Variants in THSD7A observed in about 807,000 individuals in gnomAD.
The protein encoded by THSD7A is thrombospondin type-1 domain-containing protein 7A.
A neutral mutation model predicts 231.3 loss-of-function variants in THSD7A; 96 were observed. The observed-to-expected ratio is 0.41, with a 90% confidence interval of 0.35 to 0.49. The LOEUF (loss-of-function observed/expected upper bound fraction) is 0.49, where lower values mean the gene tolerates loss of function less well. THSD7A is among the 20% of genes least tolerant of loss of function. The pLI is 0.05. For missense variants in THSD7A, 2,290 were observed against 2,070.2 expected (o/e 1.11, Z -2.06); for synonymous variants, 940 against 743.3 (o/e 1.26, Z -4.30).
intron 1 of THSD7A, among the ~76,000 whole-genome samples, chr7:11,685,564 A>G (rs776145448): frequency 6.6e-6 from 1 of 151,998 alleles, no homozygotes; most frequent in Admixed American, 6.6e-5. Context: ...GGCAAAAGCC[A>G]TAAATGGACA....
chr7:11,586,317 T>G (rs1779901929), intron 4 of THSD7A, among the ~76,000 whole-genome samples: 1 of 152,176 alleles, frequency 6.6e-6, no homozygotes, highest in South Asian at 2.1e-4. Context: ...CATGAAATCA[T>G]TTTTCTTCAT....
chr7:11,460,267 C>T (rs539706958), intron 11 of THSD7A, among the ~76,000 whole-genome samples: 84 of 152,172 alleles, frequency 5.5e-4, no homozygotes, highest in African/African-American at 1.9e-3. Context: ...TATGTATGCA[C>T]ATATATAATG....
At chr7:11,595,079 G>A (rs896611549) in intron 2 of THSD7A, among the ~76,000 whole-genome samples, 1 of 152,188 alleles carries the variant, frequency 6.6e-6, no homozygotes, top group African/African-American at 2.4e-5. Flanking sequence ...ACCTTTGTCT[G>A]AGGAGATAAA....
intron 23 of THSD7A, among the ~76,000 whole-genome samples, chr7:11,398,785 C>T (rs894227071): frequency 1.3e-5 from 2 of 152,156 alleles, no homozygotes; most frequent in African/African-American, 4.8e-5. Context: ...TTTGTCACTG[C>T]AGCCAGCCCT....
At position 11,434,763 on chromosome 7, in the gene THSD7A, G is replaced by GA. The variant is rs200504369; in HGVS notation, c.3065-5639dup. Among the ~76,000 whole-genome samples, 612 of 148,374 alleles carry GA rather than the reference G, an allele frequency of 4.1e-3. 4 individuals are homozygous for GA. Among genetic ancestry groups the GA allele is most frequent in the African/African-American group, 0.014 (576 of 40,614 alleles). ...TGGTCCTCACAGGCTGGAAAAAGTTGAAAAAAAAAATCATTTTGCAAAAAC... is the reference window on the plus strand; with the variant it reads ...TGGTCCTCACAGGCTGGAAAAAGTTGAAAAAAAAAAATCATTTTGCAAAAAC... On this transcript the variant is annotated intron_variant, in intron 13 of 27. Coordinates refer to ENST00000423059, the MANE Select transcript of THSD7A (RefSeq NM_015204.3).
At chr7:11,629,755 C>A (rs574574926) in intron 2 of THSD7A, among the ~76,000 whole-genome samples, 22 of 152,262 alleles carry the variant, frequency 1.4e-4, no homozygotes, top group African/African-American at 5.1e-4. Context: ...TCAGTATGAA[C>A]TGATCTGTAG....
intron 6 of THSD7A, among the ~76,000 whole-genome samples, chr7:11,491,903 TTTTC>T (rs754124940): frequency 1.3e-5 from 2 of 151,782 alleles, no homozygotes; most frequent in African/African-American, 2.4e-5. Flanking sequence ...TTGAGTGGCT[TTTTC>T]TTTCTTTCTT....
chr7:11,558,259 G>A (rs534750307), intron 4 of THSD7A, among the ~76,000 whole-genome samples: 1 of 152,196 alleles, frequency 6.6e-6, no homozygotes, highest in South Asian at 2.1e-4. Flanking sequence ...ACAACTTCCA[G>A]GGAATATTTT....
rs1287001055 is a variant in THSD7A, at chr7:11,372,552, A to C, written c.*3242T>G. 3 of 152,136 alleles carry C rather than the reference A, an allele frequency of 2.0e-5. No individual in the cohort carries two copies. Among genetic ancestry groups the C allele is most frequent in the Non-Finnish European group, 4.4e-5 (3 of 68,014 alleles). 9.4% of individuals were successfully genotyped at this position (152,136 alleles called of 1,614,324 possible). A position where few individuals can be genotyped will look rare whatever the true frequency, so the allele number is the denominator to read the frequency against. On this transcript the variant is annotated 3_prime_UTR_variant, in exon 28 of 28. Transcript: ENST00000423059. ...TGGATTAGTTATTGATGAATAAGCA[A>C]ATCAGCCCCTTTCAAAAGAGATCAG...
At position 11,785,419 on chromosome 7, in the gene THSD7A, C is replaced by T. The variant is rs115148789; in HGVS notation, c.190+46338G>A. ...TTTTACTGTTGATCCTTCAAATTTC[C>T]TTTCCATTTTTGTGAACTCAATCCT... On this transcript the variant is annotated intron_variant, in intron 1 of 27. Transcript: ENST00000423059. Among the ~76,000 whole-genome samples, 870 of 152,166 alleles carry T rather than the reference C, an allele frequency of 5.7e-3. 7 individuals are homozygous for T. The highest frequency in any genetic ancestry group is 0.02 in the African/African-American group (821 of 41,532).
intron 4 of THSD7A, among the ~76,000 whole-genome samples, chr7:11,563,332 T>C (rs1422993939): frequency 6.6e-6 from 1 of 152,168 alleles, no homozygotes; most frequent in African/African-American, 2.4e-5. Flanking sequence ...CCAGTCCTTT[T>C]TAGCTACGAT....
intron 6 of THSD7A, among the ~76,000 whole-genome samples, chr7:11,493,276 G>T (rs1335379650): frequency 6.6e-6 from 1 of 152,062 alleles, no homozygotes; most frequent in Non-Finnish European, 1.5e-5. Flanking sequence ...CTGATAAAAA[G>T]TTGGTGAGTT....
intron 7 of THSD7A, among the ~76,000 whole-genome samples, chr7:11,479,638 GATTT>G (rs1470953873): frequency 1.4e-5 from 2 of 147,840 alleles, no homozygotes; most frequent in African/African-American, 5.2e-5. Context: ...AATTAGGAAA[GATTT>G]ATTTTGAGTA....
At chr7:11,426,845 A>G (rs1164938961) in intron 14 of THSD7A, among the ~76,000 whole-genome samples, 174 bp from the exon 15 acceptor site, 1 of 152,212 alleles carries the variant, frequency 6.6e-6, no homozygotes, top group Non-Finnish European at 1.5e-5. Flanking sequence ...GAGATAATAC[A>G]CAACTACTTA....
chr7:11,504,523 CT>C (rs1583864299), intron 6 of THSD7A, among the ~76,000 whole-genome samples: 2 of 152,108 alleles, frequency 1.3e-5, no homozygotes, highest in East Asian at 3.9e-4. Flanking sequence ...GCTATTATTC[CT>C]TTTTTAAAAA....
chr7:11,525,630 T>C (rs1264128236), intron 6 of THSD7A, among the ~76,000 whole-genome samples: 1 of 152,152 alleles, frequency 6.6e-6, no homozygotes, highest in East Asian at 1.9e-4. Flanking sequence ...TTGTCAGAAG[T>C]GTATATGTAT....
intron 4 of THSD7A, among the ~76,000 whole-genome samples, chr7:11,546,420 C>A (rs1477538704): frequency 2.6e-5 from 4 of 152,138 alleles, no homozygotes; most frequent in Admixed American, 2.0e-4. Flanking sequence ...AGAACAAAGC[C>A]ATAGGCCTGG....
chr7:11,446,106 C>T lies in THSD7A; in HGVS notation c.3019G>A (p.Asp1007Asn), dbSNP rs778588439. ...GYRYQAMACY[D>N]QNGRLVETSR... ...GTTTCCACAAGCCTGCCATTTTGAT[C>T]GTAGCATGCCATTGCTTGGTAACGA... The change falls in exon 13 of 28, where the codon GAT becomes AAT. Residue 1007 changes from aspartate to asparagine, a missense_variant. Physicochemically the swap from Asp to Asn is conservative, Grantham distance 23 (BLOSUM62 1). Coordinates refer to ENST00000423059, the MANE Select transcript of THSD7A (RefSeq NM_015204.3). This position sits in a 1 kb window ranked among gnomAD's most constrained non-coding sequence, Gnocchi z 4.0. 59 of 1,613,282 alleles carry T rather than the reference C, an allele frequency of 3.7e-5. No homozygotes were observed. In the East Asian group the frequency reaches 8.0e-4, roughly 22 times the overall value.
At chr7:11,705,453 T>C (rs775154716) in intron 1 of THSD7A, among the ~76,000 whole-genome samples, 1 of 150,976 alleles carries the variant, frequency 6.6e-6, no homozygotes, top group Non-Finnish European at 1.5e-5. Context: ...CCACTTTCAT[T>C]GGGTGTCAGA....
Sources: allele counts gnomAD v4.1 joint callset (sites outside exome capture counted in the v4.1 genomes callset), GRCh38; gene constraint gnomAD v4.1.1; non-coding constraint Gnocchi (gnomAD v3.1); transcripts MANE v1.5; gene names NCBI Gene and HGNC (gene_info 2026-07-23, HGNC 2026-07-21).